NFILZ: variants seen among roughly 807,000 people sequenced by gnomAD.
The protein encoded by NFILZ is NFIL3 like basic leucine zipper.
chr19:8,647,785 GCGCGCGCGCGCA>G (rs1455363723), intron 3 of NFILZ, among the ~76,000 whole-genome samples: 7 of 52,814 alleles, frequency 1.3e-4, no homozygotes, highest in South Asian at 5.4e-4. Context: ...ACATGCGCGC[GCGCGCGCGCGCA>G]CACACACACA....
intron 3 of NFILZ, among the ~76,000 whole-genome samples, chr19:8,655,952 T>C (rs1006824445): frequency 2.0e-5 from 3 of 152,040 alleles, no homozygotes; most frequent in Non-Finnish European, 2.9e-5. Flanking sequence ...TGTCTCTCTC[T>C]GTGTCTCTGC....
intron 3 of NFILZ, among the ~76,000 whole-genome samples, chr19:8,652,839 TTTC>T (rs1373985542): frequency 7.3e-5 from 11 of 150,752 alleles, no homozygotes; most frequent in Non-Finnish European, 1.5e-4. Flanking sequence ...TCACTTTCTC[TTTC>T]TTTCTTTCCT....
At position 8,678,632 on chromosome 19, in the gene NFILZ, CCCAT is replaced by C. The variant is rs1239923902; in HGVS notation, c.*1012_*1015del. ...GCATCCACTCATCCTCATCCATTTA[CCCAT>C]CCATCCATCCATCCTCACCCATCCA... On this transcript the variant is annotated 3_prime_UTR_variant, in exon 6 of 6. Transcript: ENST00000691075. Among the ~76,000 whole-genome samples, 3 of 150,038 alleles carry C rather than the reference CCCAT, an allele frequency of 2.0e-5. No homozygotes were observed. The highest frequency in any genetic ancestry group is 6.6e-5 in the Admixed American group (1 of 15,108).
chr19:8,669,142 G>A (rs1284968238), intron 3 of NFILZ, among the ~76,000 whole-genome samples: 3 of 152,054 alleles, frequency 2.0e-5, no homozygotes, highest in Non-Finnish European at 4.4e-5. Flanking sequence ...ACAGGGTTTC[G>A]CCATGTTGGC....
At chr19:8,674,154 C>A (rs111879921) in intron 3 of NFILZ, among the ~76,000 whole-genome samples, 1,722 of 152,216 alleles carry the variant, frequency 0.011, 32 homozygotes, top group African/African-American at 0.039. Flanking sequence ...TTTTTATTCT[C>A]CAAGCCCAAC....
intron 3 of NFILZ, among the ~76,000 whole-genome samples, chr19:8,666,962 T>A (rs1204181330): frequency 6.8e-6 from 1 of 146,504 alleles, no homozygotes; most frequent in Non-Finnish European, 1.5e-5. Context: ...ATTGCCCGGG[T>A]TGGTCTCGGA....
At chr19:8,649,567 T>A (rs1474771968) in intron 3 of NFILZ, among the ~76,000 whole-genome samples, 4 of 151,576 alleles carry the variant, frequency 2.6e-5, no homozygotes, top group Non-Finnish European at 5.9e-5. Context: ...GTGCCCGGCA[T>A]AATTAAGCAT....
rs1161281896 is a variant in NFILZ, at chr19:8,679,685, G to T, written c.*2050G>T. Among the ~76,000 whole-genome samples, 1 of 152,056 alleles carries T rather than the reference G, an allele frequency of 6.6e-6. No homozygotes were observed. The highest frequency in any genetic ancestry group is 2.4e-5 in the African/African-American group (1 of 41,398). ...TGCTCAGCCTTTGGTTCTGGTCCAG[G>T]GCAGGGATTGGGCAAGATCAGCCCT... On this transcript the variant is annotated 3_prime_UTR_variant, in exon 6 of 6. Transcript: ENST00000691075.
intron 3 of NFILZ, among the ~76,000 whole-genome samples, chr19:8,638,828 A>G (rs945844904): frequency 2.0e-5 from 3 of 148,790 alleles, no homozygotes; most frequent in Non-Finnish European, 4.4e-5. Flanking sequence ...GCCCTGAAGC[A>G]GGAATTTACT....
intron 3 of NFILZ, among the ~76,000 whole-genome samples, chr19:8,659,062 A>G (rs1204224671): frequency 1.3e-5 from 2 of 152,126 alleles, no homozygotes; most frequent in Non-Finnish European, 2.9e-5. Context: ...CCTGGCCAAC[A>G]TGGTAAAACC....
chr19:8,633,945 TCCCTC>T (rs1555745838), intron 2 of NFILZ, among the ~76,000 whole-genome samples: 5 of 144,576 alleles, frequency 3.5e-5, no homozygotes, highest in African/African-American at 1.0e-4. Context: ...CTTCCTTCCT[TCCCTC>T]CCTTCTTTCC....
At chr19:8,674,198 A>G (rs1555750532) in intron 3 of NFILZ, among the ~76,000 whole-genome samples, 1 of 152,194 alleles carries the variant, frequency 6.6e-6, no homozygotes, top group Admixed American at 6.6e-5. Context: ...TCCTGAGCAC[A>G]TGAGCAGATC....
At chr19:8,642,236 A>C (rs1473748656) in intron 3 of NFILZ, among the ~76,000 whole-genome samples, 2 of 151,758 alleles carry the variant, frequency 1.3e-5, no homozygotes, top group Non-Finnish European at 2.9e-5. Context: ...CAAAGTTTGA[A>C]CCAAAGAACT....
chr19:8,680,215 G>A lies in NFILZ; in HGVS notation c.*2580G>A, dbSNP rs2967680. On this transcript the variant is annotated 3_prime_UTR_variant, in exon 6 of 6. Coordinates refer to ENST00000691075, the MANE Select transcript of NFILZ (RefSeq NM_001378600.1). ...CATCTGAAAAAAAAAAAAAAAAAAAGGAAAAAGAAAAAATCCTGTTTCCCT... is the reference window on the plus strand; with the variant it reads ...CATCTGAAAAAAAAAAAAAAAAAAAAGAAAAAGAAAAAATCCTGTTTCCCT... Among the ~76,000 whole-genome samples, 3,644 of 24,338 alleles carry A rather than the reference G, an allele frequency of 0.15. 438 individuals are homozygous for A. The highest frequency in any genetic ancestry group is 0.39 in the African/African-American group (1,742 of 4,450). 16.0% of individuals were successfully genotyped at this position (24,338 alleles called of 152,430 possible).
rs2043002350 is a variant in NFILZ at position 8,656,477 on chromosome 19, TCCCGCAGCCCACC to T, written c.-163-18073_-163-18061del. Among the ~76,000 whole-genome samples, 185 of 34,246 alleles carry T rather than the reference TCCCGCAGCCCACC, an allele frequency of 5.4e-3. 2 individuals are homozygous for T. Among genetic ancestry groups the T allele is most frequent in the African/African-American group, 0.018 (135 of 7,578 alleles). The allele number at this position is 34,246 out of a possible 152,430, so 22.5% of individuals were successfully genotyped here. A position where few individuals can be genotyped will look rare whatever the true frequency, so the allele number is the denominator to read the frequency against. On this transcript the variant is annotated intron_variant, in intron 3 of 5. Coordinates refer to ENST00000691075, the MANE Select transcript of NFILZ (RefSeq NM_001378600.1). ...CACCTTCTCTCTGAAGCCCACCTTC[TCCCGCAGCCCACC>T]TTCTCCCGCAGCCCACCTTCTCCTG...
At chr19:8,644,548 C>T (rs917982494) in intron 3 of NFILZ, among the ~76,000 whole-genome samples, 12 of 152,028 alleles carry the variant, frequency 7.9e-5, no homozygotes, top group Non-Finnish European at 1.3e-4. Context: ...GCAGCCTCAA[C>T]CTCCCATACT....
chr19:8,663,710 GTGTGTGTGTGTT>G (rs1568423292), intron 3 of NFILZ, among the ~76,000 whole-genome samples: 1 of 148,820 alleles, frequency 6.7e-6, no homozygotes, highest in Admixed American at 6.8e-5. Flanking sequence ...AAGGTGTGGT[GTGTGTGTGTGTT>G]TGTGTGTGTG....
intron 3 of NFILZ, among the ~76,000 whole-genome samples, chr19:8,663,845 G>A (rs1410684973): frequency 6.6e-6 from 1 of 151,646 alleles, no homozygotes; most frequent in Non-Finnish European, 1.5e-5. Flanking sequence ...GGGGATGTAG[G>A]GACTCAGGTG....
At chr19:8,667,170 A>G (rs902288650) in intron 3 of NFILZ, among the ~76,000 whole-genome samples, 11 of 152,174 alleles carry the variant, frequency 7.2e-5, no homozygotes, top group African/African-American at 2.7e-4. Flanking sequence ...GCAAGGAAAG[A>G]AAAGAAAACA....
Sources: gnomAD v4.1 joint callset for allele counts (sites outside exome capture counted in the v4.1 genomes callset) on GRCh38, gnomAD v4.1.1 for gene constraint, MANE v1.5 for transcripts, NCBI Gene and HGNC (gene_info 2026-07-23, HGNC 2026-07-21) for gene names.